DOCK4: variants seen among roughly 807,000 people sequenced by gnomAD.
DOCK4 encodes dedicator of cytokinesis 4, also known as dedicator of cytokinesis protein 4.
DOCK4 carries 97 observed loss-of-function variants against 268.1 expected under a neutral mutation model. That is an observed-to-expected ratio of 0.36 (90% CI 0.31 to 0.43). The LOEUF (loss-of-function observed/expected upper bound fraction) is 0.43, where lower values mean the gene tolerates loss of function less well. Among genes scored for constraint, DOCK4 ranks in the 20% least tolerant of loss-of-function variants. The pLI is 1.00. For synonymous variants in DOCK4, 954 were observed against 887.2 expected (o/e 1.08, Z -1.34); for missense variants, 2,145 against 2,455.7 (o/e 0.87, Z 2.67).
chr7:111,837,639 TATC>T, intron 25 of DOCK4, among the ~76,000 whole-genome samples: 1 of 152,260 alleles, frequency 6.6e-6, no homozygotes, highest in African/African-American at 2.4e-5. Context: ...TTTAAAATAA[TATC>T]ATTAAAATAT....
intron 1 of DOCK4, among the ~76,000 whole-genome samples, chr7:112,069,450 T>G (rs1807380433): frequency 6.6e-6 from 1 of 152,198 alleles, no homozygotes; most frequent in Non-Finnish European, 1.5e-5. Flanking sequence ...CTTACTTGAA[T>G]CTCAATTCTA....
intron 17 of DOCK4, among the ~76,000 whole-genome samples, chr7:111,874,935 T>C (rs781646142): frequency 2.6e-5 from 4 of 152,322 alleles, no homozygotes; most frequent in Non-Finnish European, 5.9e-5. Context: ...AATGCTGAAT[T>C]GTAGTAGAAA....
rs886581684 is a variant in DOCK4 at position 111,739,173 on chromosome 7, T to C, written c.5193A>G (p.Pro1731=). The C allele has an allele frequency of 1.2e-6, 2 of 1,614,008 alleles. No individual in the cohort carries two copies. The highest frequency in any genetic ancestry group is 1.7e-6 in the Non-Finnish European group (2 of 1,179,882). ...CAGGTGTTGGATAGATGGCACTGCA[T>C]GGTCTCTCTCTTGGTGACAGGCAAG... ...ENSCLSPRER[P]CSAIYPTPVE... Residue 1731 remains proline (P), a synonymous_variant, in exon 49 of 53, where the codon CCA becomes CCG. Coordinates refer to ENST00000428084, the MANE Select transcript of DOCK4 (RefSeq NM_001363540.2).
chr7:111,767,014 T>A lies in DOCK4; in HGVS notation c.3915+18A>T. The A allele has an allele frequency of 6.3e-7, 1 of 1,596,182 alleles. No homozygotes were observed. The highest frequency in any genetic ancestry group is 8.6e-7 in the Non-Finnish European group (1 of 1,163,934). On this transcript the variant is annotated intron_variant, in intron 38 of 52. Transcript: ENST00000428084. ...AAGGGAGGCTATGGCCTGATCAGGATGCATCCAGGCACCTTACCCGCATCT... is the reference window on the plus strand; with the variant it reads ...AAGGGAGGCTATGGCCTGATCAGGAAGCATCCAGGCACCTTACCCGCATCT...
In DOCK4 at chr7:111,908,802, T is replaced by C. The variant is rs577674220; in HGVS notation, c.1192+6977A>G. Among the ~76,000 whole-genome samples the C allele has an allele frequency of 7.9e-5, 12 of 152,064 alleles. No homozygotes were observed. The South Asian group carries it at 2.3e-3, about 29-fold the overall frequency. On this transcript the variant is annotated intron_variant, in intron 13 of 52. Transcript: ENST00000428084. ...TTAGGAGTGAGAGTTAGTTCCTGTGTTAGTTTGTTGGGAATGATGGCTTCT... is the reference window on the plus strand; with the variant it reads ...TTAGGAGTGAGAGTTAGTTCCTGTGCTAGTTTGTTGGGAATGATGGCTTCT...
intron 32 of DOCK4, among the ~76,000 whole-genome samples, chr7:111,788,253 A>G (rs1286533641): frequency 6.6e-6 from 1 of 152,220 alleles, no homozygotes; most frequent in East Asian, 1.9e-4. Context: ...AACTAGGTTA[A>G]TTTTCCAACA....
chr7:112,038,596 G>A (rs1319794172), intron 1 of DOCK4, among the ~76,000 whole-genome samples: 1 of 152,190 alleles, frequency 6.6e-6, no homozygotes, highest in Admixed American at 6.5e-5. Context: ...TGGCTGTGGA[G>A]CTTCAACTGC....
At chr7:111,879,820 A>C (rs1439402372) in intron 16 of DOCK4, among the ~76,000 whole-genome samples, 1 of 152,202 alleles carries the variant, frequency 6.6e-6, no homozygotes, top group East Asian at 1.9e-4. Context: ...AGCAGAATTG[A>C]TAAAGCAGAA....
At chr7:111,856,633 A>G (rs1165607963) in intron 23 of DOCK4, among the ~76,000 whole-genome samples, 1 of 152,250 alleles carries the variant, frequency 6.6e-6, no homozygotes, top group East Asian at 1.9e-4. Context: ...TTAAACTTTC[A>G]GCAAGTGCTT....
chr7:112,142,211 A>T (rs1296410682), intron 1 of DOCK4, among the ~76,000 whole-genome samples: 1 of 152,200 alleles, frequency 6.6e-6, no homozygotes, highest in Non-Finnish European at 1.5e-5. Context: ...AGGCAAGGTC[A>T]CATAGCTAGA....
At chr7:111,875,958 C>T (rs1470387949) in intron 17 of DOCK4, among the ~76,000 whole-genome samples, 1 of 152,126 alleles carries the variant, frequency 6.6e-6, no homozygotes, top group Non-Finnish European at 1.5e-5. Flanking sequence ...AACTCTACTA[C>T]CCACACACAC....
intron 1 of DOCK4, among the ~76,000 whole-genome samples, chr7:112,122,455 C>T (rs1812820246): frequency 6.6e-6 from 1 of 152,060 alleles, no homozygotes; most frequent in Admixed American, 6.6e-5. Context: ...TTTAATAATA[C>T]AGATGGGGTC....
chr7:112,061,524 C>T (rs539272646), intron 1 of DOCK4, among the ~76,000 whole-genome samples: 20 of 152,198 alleles, frequency 1.3e-4, no homozygotes, highest in Non-Finnish European at 2.6e-4. Context: ...CTTTCTGTCA[C>T]CCGCTTTCTA....
chr7:111,999,800 T>C (rs941720405), intron 3 of DOCK4, among the ~76,000 whole-genome samples: 1 of 151,408 alleles, frequency 6.6e-6, no homozygotes, highest in Non-Finnish European at 1.5e-5. Context: ...ATGACATATA[T>C]GAAAATATTA....
intron 16 of DOCK4, among the ~76,000 whole-genome samples, chr7:111,878,293 A>T (rs537682284): frequency 6.6e-6 from 1 of 152,238 alleles, no homozygotes; most frequent in Admixed American, 6.5e-5. Flanking sequence ...AAATCTGTAC[A>T]TTGACTAAAT....
At chr7:111,782,255 C>T (rs1318021209) in intron 35 of DOCK4, among the ~76,000 whole-genome samples, 1 of 152,112 alleles carries the variant, frequency 6.6e-6, no homozygotes, top group African/African-American at 2.4e-5. Flanking sequence ...TTTGGATTAG[C>T]CTGTTATCCT....
chr7:111,824,260 G>A (rs1802227057), intron 26 of DOCK4, among the ~76,000 whole-genome samples: 1 of 151,934 alleles, frequency 6.6e-6, no homozygotes, highest in Non-Finnish European at 1.5e-5. Flanking sequence ...TTATTTTAAT[G>A]GTTTCTCAGT....
chr7:111,728,369 GAGGCTTGGGGGGCA>G lies in DOCK4; in HGVS notation c.5819_5832del (p.Leu1940ProfsTer16). The G allele has an allele frequency of 1.3e-6, 2 of 1,529,000 alleles. No homozygotes were observed. Among genetic ancestry groups the G allele is most frequent in the Non-Finnish European group, 1.8e-6 (2 of 1,139,760 alleles). 94.7% of individuals were successfully genotyped at this position (1,529,000 alleles called of 1,614,324 possible). A position where few individuals can be genotyped will look rare whatever the true frequency, so the allele number is the denominator to read the frequency against. On this transcript the variant is annotated frameshift_variant, in exon 53 of 53. Coordinates refer to ENST00000428084, the MANE Select transcript of DOCK4 (RefSeq NM_001363540.2). LOFTEE classifies it high-confidence loss of function. ...TCCAGGTGGCTGGATCGCGCTGCCAGAGGCTTGGGGGGCAGCGCGGGCGGCTCCGACGTGACGGG... is the reference window on the plus strand; with the variant it reads ...TCCAGGTGGCTGGATCGCGCTGCCAGGCGCGGGCGGCTCCGACGTGACGGG...
At chr7:111,986,344 C>T (rs1385216876) in intron 6 of DOCK4, among the ~76,000 whole-genome samples, 4 of 152,202 alleles carry the variant, frequency 2.6e-5, no homozygotes, top group South Asian at 2.1e-4. Context: ...CTGTAATCTA[C>T]AAGCCTTTTT....
Sources: allele counts gnomAD v4.1 joint callset (sites outside exome capture counted in the v4.1 genomes callset), GRCh38; gene constraint gnomAD v4.1.1; transcripts MANE v1.5; gene names NCBI Gene and HGNC (gene_info 2026-07-23, HGNC 2026-07-21).